Variants in STAM2 observed in about 807,000 individuals in gnomAD.
STAM2 encodes signal transducing adapter molecule 2.
STAM2 carries 51 observed loss-of-function variants against 65.6 expected under a neutral mutation model. That is an observed-to-expected ratio of 0.78 (90% CI 0.62 to 0.98). The LOEUF (loss-of-function observed/expected upper bound fraction) is 0.98, where lower values mean the gene tolerates loss of function less well. Ranked by LOEUF, STAM2 falls within the 50% of genes least tolerant of loss-of-function variation. The pLI is 0.00. For missense variants in STAM2, 584 were observed against 617.8 expected, an observed-to-expected ratio of 0.95 and a Z score of 0.58; for synonymous variants, 198 against 208.4, an observed-to-expected ratio of 0.95 and a Z score of 0.43.
chr2:152,129,001 C>T (rs1205500667), intron 11 of STAM2, among the ~76,000 whole-genome samples: 3 of 152,116 alleles, frequency 2.0e-5, no homozygotes, highest in Admixed American at 6.5e-5. Context: ...GAAACATTTC[C>T]CAGAACAGGA....
chr2:152,144,694 A>G, intron 6 of STAM2, 194 bp downstream of exon 6: 1 of 447,806 alleles, frequency 2.2e-6, no homozygotes, highest in East Asian at 4.2e-5. Flanking sequence ...GCCCGCCACC[A>G]CGCCCAGCTA....
At chr2:152,137,034 A>G (rs1689169259) in intron 7 of STAM2, among the ~76,000 whole-genome samples, 1 of 151,780 alleles carries the variant, frequency 6.6e-6, no homozygotes, top group African/African-American at 2.4e-5. Flanking sequence ...AGCTGGGACT[A>G]CAGGTATGCA....
intron 7 of STAM2, among the ~76,000 whole-genome samples, chr2:152,137,132 C>T (rs1689171087): frequency 6.6e-6 from 1 of 152,066 alleles, no homozygotes; most frequent in Non-Finnish European, 1.5e-5. Context: ...AAGTGATCCG[C>T]CTGCCTCAGC....
intron 1 of STAM2, among the ~76,000 whole-genome samples, chr2:152,159,046 C>A (rs1185103423): frequency 7.2e-6 from 1 of 139,458 alleles, no homozygotes; most frequent in Non-Finnish European, 1.5e-5. Flanking sequence ...TGCTTCTACA[C>A]CTTAAAATTG....
Position 152,124,748 on chromosome 2 carries a change from C to A in STAM2, c.1180-813G>T, listed in dbSNP as rs1481199491. On this transcript the variant is annotated intron_variant, in intron 12 of 13. Transcript: ENST00000263904. ...TAGAATGCTAGAAATGCCAAATAAG[C>A]TATATTAAGTACAATCACATTACCT... is the stretch of plus-strand genomic sequence containing the variant. 3.9e-5 allele frequency: 6 copies of A among 152,184 alleles called. No homozygotes were observed. The East Asian group carries it at 1.2e-3, about 29-fold the overall frequency. 9.4% of individuals were successfully genotyped at this position (152,184 alleles called of 1,614,324 possible).
In STAM2 at chr2:152,120,317, C is replaced by G. The variant is rs147496315; in HGVS notation, c.*257G>C. ...AGTATCTAGATTTATGTAGAGAAAT[C>G]TGAAAGTAAGACAAAACTAACTGAA... is the stretch of plus-strand genomic sequence containing the variant. On this transcript the variant is annotated 3_prime_UTR_variant, in exon 14 of 14. Transcript: ENST00000263904. 1,002 of 459,518 alleles carry G rather than the reference C, an allele frequency of 2.2e-3. 14 individuals are homozygous for G. The highest frequency in any genetic ancestry group is 4.6e-3 in the East Asian group (122 of 26,340). 28.5% of individuals were successfully genotyped at this position (459,518 alleles called of 1,614,324 possible).
intron 7 of STAM2, among the ~76,000 whole-genome samples, chr2:152,136,262 G>A (rs141035087): frequency 0.01 from 1,565 of 151,856 alleles, 12 homozygotes; most frequent in Non-Finnish European, 0.016. Flanking sequence ...GGCCAACATG[G>A]CAAAACCCTG....
chr2:152,155,142 A>C (rs753354547), intron 1 of STAM2, among the ~76,000 whole-genome samples: 1 of 152,128 alleles, frequency 6.6e-6, no homozygotes, highest in Non-Finnish European at 1.5e-5. Flanking sequence ...TGTTTTGTTC[A>C]CTATTATTAT....
chr2:152,145,040 T>G, intron 5 of STAM2, 83 bp from the exon 6 acceptor site: 1 of 1,027,350 alleles, frequency 9.7e-7, no homozygotes, highest in East Asian at 2.4e-5. Context: ...TGGTAAATTT[T>G]AAAAAATACT....
At chr2:152,146,081 T>C (rs188204108) in intron 5 of STAM2, among the ~76,000 whole-genome samples, 17 of 151,670 alleles carry the variant, frequency 1.1e-4, no homozygotes, top group African/African-American at 3.6e-4. Context: ...ACCAGCCTGG[T>C]CAACATGGTG....
chr2:152,164,633 C>A (rs1006049916), intron 1 of STAM2, among the ~76,000 whole-genome samples: 13 of 152,166 alleles, frequency 8.5e-5, no homozygotes, highest in Non-Finnish European at 1.6e-4. Flanking sequence ...TGAGCCACTG[C>A]GCCCAGCTGA....
rs778787582 is a variant in STAM2, at chr2:152,135,576, A to G, written c.732T>C (p.Asn244=). The part of the protein sequence containing the change: ...DSDANWWKGE[N]HRGIGLFPSN... Reference sequence around the variant, plus strand: ...ATGGGAAAAGTCCTATTCCTCTGTGATTTTCTCCTTTCCACCAATTGGCAT... The same window carrying G: ...ATGGGAAAAGTCCTATTCCTCTGTGGTTTTCTCCTTTCCACCAATTGGCAT... Residue 244 remains asparagine, a synonymous_variant, in exon 8 of 14, where the codon AAT becomes AAC. Transcript: ENST00000263904. The G allele has an allele frequency of 2.2e-5, 36 of 1,612,172 alleles. No homozygotes were observed. The highest frequency in any genetic ancestry group is 2.7e-5 in the African/African-American group (2 of 74,862).
intron 8 of STAM2, 109 bp from the exon 9 acceptor site, chr2:152,133,593 T>C: frequency 1.4e-6 from 1 of 740,252 alleles, no homozygotes; most frequent in Non-Finnish European, 2.2e-6. Flanking sequence ...TAAAAGTCCT[T>C]CAAATATTCA....
intron 1 of STAM2, among the ~76,000 whole-genome samples, chr2:152,154,223 G>T (rs1475067169): frequency 2.0e-5 from 3 of 152,144 alleles, no homozygotes; most frequent in Non-Finnish European, 4.4e-5. Context: ...CTCAGTGGTG[G>T]TGGAAAGACT....
At position 152,123,795 on chromosome 2, in the gene STAM2, T is replaced by C. The variant is rs1209708053; in HGVS notation, c.1320A>G (p.Thr440=). ...AATATGAAGTTTGAGCAGGCTGTGC[T>C]GTCACTGAGGAATTCACATTTGGAG... ...SLPPNVNSSV[T]AQPAQTSYLS... Residue 440 remains threonine, a synonymous_variant, in exon 13 of 14, where the codon ACA becomes ACG. Transcript: ENST00000263904. 1 of 1,614,208 alleles carries C rather than the reference T, an allele frequency of 6.2e-7. No individual in the cohort carries two copies. Among genetic ancestry groups the C allele is most frequent in the Admixed American group, 1.7e-5 (1 of 60,028 alleles).
At chr2:152,173,897 T>A (rs1689956390) in intron 1 of STAM2, among the ~76,000 whole-genome samples, 1 of 152,200 alleles carries the variant, frequency 6.6e-6, no homozygotes, top group Non-Finnish European at 1.5e-5. Flanking sequence ...CCTTTGGGGT[T>A]CTGAATTCAG....
intron 6 of STAM2, 49 bp from the exon 7 acceptor site, chr2:152,144,062 A>C: frequency 6.7e-7 from 1 of 1,481,800 alleles, no homozygotes; most frequent in Non-Finnish European, 9.2e-7. Flanking sequence ...ATTTTGATAA[A>C]ATAAACATTA....
In STAM2 at chr2:152,132,430, T is replaced by C. The variant is rs552422087; in HGVS notation, c.971-262A>G. Reference sequence around the variant, plus strand: ...GTTGACAGACTGTGAAATCTGGAGTTATCCCAAAGTCTTAAAGACATCTAG... The same window carrying C: ...GTTGACAGACTGTGAAATCTGGAGTCATCCCAAAGTCTTAAAGACATCTAG... On this transcript the variant is annotated intron_variant, in intron 10 of 13. Transcript: ENST00000263904. Among the ~76,000 whole-genome samples the C allele has an allele frequency of 5.3e-5, 8 of 152,330 alleles. No individual in the cohort carries two copies. In the East Asian group the frequency reaches 1.5e-3, roughly 29 times the overall value.
chr2:152,156,283 A>G (rs1451707395), intron 1 of STAM2, among the ~76,000 whole-genome samples: 1 of 152,222 alleles, frequency 6.6e-6, no homozygotes, highest in African/African-American at 2.4e-5. Context: ...CTTTTTAAAA[A>G]TATAAAATCT....
Sources: gnomAD v4.1 joint callset for allele counts (sites outside exome capture counted in the v4.1 genomes callset) on GRCh38, gnomAD v4.1.1 for gene constraint, MANE v1.5 for transcripts, NCBI Gene and HGNC (gene_info 2026-07-23, HGNC 2026-07-21) for gene names.